The following CLCN5 variants were observed in gnomAD, a reference collection of about 807,000 sequenced individuals.
CLCN5 encodes the protein H(+)/Cl(-) exchange transporter 5.
In CLCN5, 17 loss-of-function variants were observed where a neutral mutation model predicts 54.0. That is an observed-to-expected ratio of 0.31 (90% CI 0.22 to 0.47). The LOEUF (loss-of-function observed/expected upper bound fraction) is 0.47. CLCN5 is among the 20% of genes least tolerant of loss of function. CLCN5 has a pLI of 1.00. For synonymous variants in CLCN5, 222 were observed against 233.0 expected, an observed-to-expected ratio of 0.95 and a Z score of 0.43; for missense variants, 448 against 646.7, an observed-to-expected ratio of 0.69 and a Z score of 3.33.
chrX:49,975,013 A>C (rs1557176760), intron 3 of CLCN5, among the ~76,000 whole-genome samples: 1 of 112,287 alleles, frequency 8.9e-6, no homozygotes, highest in Non-Finnish European at 1.9e-5. Flanking sequence ...GAAGAACAAG[A>C]TAGCCATGGT....
At chrX:50,044,561 T>G (rs1932331313) in intron 4 of CLCN5, among the ~76,000 whole-genome samples, 1 of 110,666 alleles carries the variant, frequency 9.0e-6, no homozygotes, top group African/African-American at 3.3e-5. Context: ...GAGAAAGGAG[T>G]CAGTGAAGGG....
At chrX:49,984,714 A>G (rs1280551955) in intron 3 of CLCN5, among the ~76,000 whole-genome samples, 1 of 110,243 alleles carries the variant, frequency 9.1e-6, no homozygotes, top group East Asian at 2.8e-4. Context: ...GTTGGGGCTC[A>G]AGTGATCCTC....
At chrX:49,976,149 C>T (rs1928471666) in intron 3 of CLCN5, among the ~76,000 whole-genome samples, 1 of 112,153 alleles carries the variant, frequency 8.9e-6, no homozygotes, top group African/African-American at 3.2e-5. Flanking sequence ...GGCCCCCAGC[C>T]GTGGCAGCAT....
chrX:49,997,518 C>T, intron 3 of CLCN5, among the ~76,000 whole-genome samples: 1 of 110,760 alleles, frequency 9.0e-6, no homozygotes. Context: ...TCTTTACTTC[C>T]AAATAATAAT....
intron 7 of CLCN5, among the ~76,000 whole-genome samples, chrX:50,076,200 T>C (rs1429936890): frequency 1.8e-5 from 2 of 112,122 alleles, no homozygotes; most frequent in Non-Finnish European, 1.9e-5. Context: ...AAAATGGTTT[T>C]TTGTTTGCTT....
rs181119063 is a variant in CLCN5, at chrX:50,077,172, A to G, written c.603+1190A>G. Among the ~76,000 whole-genome samples, 666 of 111,923 alleles carry G rather than the reference A, an allele frequency of 6.0e-3. 14 individuals carry two copies. The highest frequency in any genetic ancestry group is 0.058 in the Admixed American group (613 of 10,530). On this transcript the variant is annotated intron_variant, in intron 7 of 14. Transcript: ENST00000376091. ...GTCCAGGGAAAAGGAGGATAGAAAA[A>G]GAATAAAGATAGAAATAGGAGTGTT...
intron 3 of CLCN5, among the ~76,000 whole-genome samples, chrX:50,030,336 G>C (rs1007742818): frequency 9.0e-6 from 1 of 110,946 alleles, no homozygotes; most frequent in Non-Finnish European, 1.9e-5. Context: ...CATCATATAT[G>C]AATTCTTTTA....
intron 4 of CLCN5, among the ~76,000 whole-genome samples, chrX:50,052,145 G>A (rs1365400307): frequency 3.6e-5 from 4 of 111,973 alleles, no homozygotes; most frequent in African/African-American, 1.3e-4. Flanking sequence ...TATTAACTGT[G>A]ATATTAGCTG....
intron 3 of CLCN5, among the ~76,000 whole-genome samples, chrX:49,973,454 G>A (rs1487471896): frequency 2.8e-5 from 3 of 108,962 alleles, no homozygotes; most frequent in Non-Finnish European, 5.7e-5. Context: ...ATGTTGGTGT[G>A]CTGCACCCAT....
At chrX:50,040,348 G>A (rs1932169147) in intron 3 of CLCN5, among the ~76,000 whole-genome samples, 1 of 111,840 alleles carries the variant, frequency 8.9e-6, no homozygotes, top group Non-Finnish European at 1.9e-5. Flanking sequence ...TTGTAGCTGA[G>A]GAAGTTGTTT....
At chrX:50,067,035 G>T (rs781926830) in intron 4 of CLCN5, among the ~76,000 whole-genome samples, 3 of 111,628 alleles carry the variant, frequency 2.7e-5, no homozygotes, top group Non-Finnish European at 5.7e-5. Flanking sequence ...CCCTTGCCAT[G>T]TGCCCCTCCC....
At position 50,092,942 on chromosome X, in the gene CLCN5, T is replaced by G. The variant is rs942513577; in HGVS notation, c.*723T>G. On this transcript the variant is annotated 3_prime_UTR_variant, in exon 15 of 15. Coordinates refer to ENST00000376091, the MANE Select transcript of CLCN5 (RefSeq NM_001127898.4). ...AAAGATAAGTTATAGAGCTTTCTCC[T>G]TGTCTGCAAAAACGGTAATTTTCCA... The G allele has an allele frequency of 8.9e-6, 1 of 112,614 alleles. No homozygotes were observed. The highest frequency in any genetic ancestry group is 9.4e-5 in the Admixed American group (1 of 10,592). The allele number at this position is 112,614 out of a possible 1,213,427, so 9.3% of individuals were successfully genotyped here.
chrX:49,976,710 C>T (rs781795313), intron 3 of CLCN5, among the ~76,000 whole-genome samples: 1 of 112,365 alleles, frequency 8.9e-6, no homozygotes, highest in South Asian at 3.7e-4. Flanking sequence ...CAGGCTTTGT[C>T]TATGTACATA....
chrX:50,076,068 A>G (rs1412810779), intron 7 of CLCN5, 86 bp downstream of exon 7: 6 of 902,209 alleles, frequency 6.7e-6, no homozygotes, highest in Admixed American at 2.5e-5. Flanking sequence ...GCAATTGCGG[A>G]ATCTTCCTTT....
intron 3 of CLCN5, among the ~76,000 whole-genome samples, chrX:49,970,474 G>C (rs1928152079): frequency 9.0e-6 from 1 of 111,007 alleles, no homozygotes; most frequent in Non-Finnish European, 1.9e-5. Flanking sequence ...TATCTCTGTG[G>C]ATTTGCCTGT....
At chrX:49,927,316 T>C (rs1293975998) in intron 3 of CLCN5, among the ~76,000 whole-genome samples, 3 of 112,391 alleles carry the variant, frequency 2.7e-5, no homozygotes, top group East Asian at 2.7e-4. Context: ...AAATAATGTA[T>C]TTTGCAAGCC....
intron 4 of CLCN5, among the ~76,000 whole-genome samples, chrX:50,062,215 G>A (rs1164719802): frequency 4.9e-5 from 4 of 81,759 alleles, no homozygotes; most frequent in Admixed American, 4.2e-4. Flanking sequence ...AGACTGGCAA[G>A]TTGGATAAAG....
At chrX:50,057,629 A>C (rs1278183233) in intron 4 of CLCN5, among the ~76,000 whole-genome samples, 1 of 59,691 alleles carries the variant, frequency 1.7e-5, no homozygotes. Flanking sequence ...GATACTATCC[A>C]GGACTCTCCT....
intron 3 of CLCN5, among the ~76,000 whole-genome samples, chrX:49,951,897 C>A (rs1557173059): frequency 9.0e-6 from 1 of 111,613 alleles, no homozygotes; most frequent in Non-Finnish European, 1.9e-5. Flanking sequence ...CTCATCAGAC[C>A]CCTGTCTTGC....
Sources: allele counts gnomAD v4.1 joint callset (sites outside exome capture counted in the v4.1 genomes callset), GRCh38; gene constraint gnomAD v4.1.1; transcripts MANE v1.5; gene names NCBI Gene and HGNC (gene_info 2026-07-23, HGNC 2026-07-21).